TUBA1C: variants seen among roughly 807,000 people sequenced by gnomAD.
TUBA1C encodes tubulin alpha-1C chain.
In TUBA1C, 16 loss-of-function variants were observed where a neutral mutation model predicts 34.9. That is an observed-to-expected ratio of 0.46 (90% CI 0.31 to 0.70). The LOEUF (loss-of-function observed/expected upper bound fraction) is 0.70, where lower values mean the gene tolerates loss of function less well. Ranked by LOEUF, TUBA1C falls within the 30% of genes least tolerant of loss-of-function variation. The pLI is 0.05. For missense variants in TUBA1C, 329 were observed against 587.3 expected (o/e 0.56, Z 4.55); for synonymous variants, 177 against 215.9 (o/e 0.82, Z 1.58).
At chr12:49,244,006 T>TG (rs1433641447) in intron 1 of TUBA1C, among the ~76,000 whole-genome samples, 1 of 151,852 alleles carries the variant, frequency 6.6e-6, no homozygotes, top group Non-Finnish European at 1.5e-5. Context: ...AAAAATTACC[T>TG]GGGTGTGGTG....
intron 1 of TUBA1C, among the ~76,000 whole-genome samples, chr12:49,241,649 T>TCTTC (rs1337980392): frequency 8.3e-5 from 12 of 144,712 alleles, no homozygotes; most frequent in Admixed American, 2.1e-4. Flanking sequence ...TCCCTTCCTT[T>TCTTC]CTTCCTTCCT....
intron 3 of TUBA1C, 116 bp from the exon 4 acceptor site, chr12:49,272,135 GTT>G: frequency 6.7e-7 from 1 of 1,503,600 alleles, no homozygotes; most frequent in South Asian, 1.4e-5. Context: ...GCCCAGAAGA[GTT>G]TTAAAATTGC....
chr12:49,250,947 C>CATGG, intron 1 of TUBA1C, among the ~76,000 whole-genome samples: 1 of 152,232 alleles, frequency 6.6e-6, no homozygotes, highest in Non-Finnish European at 1.5e-5. Flanking sequence ...TGGCTCACAC[C>CATGG]TGTAATCCCA....
chr12:49,245,839 T>A (rs1029893196), intron 1 of TUBA1C, among the ~76,000 whole-genome samples: 2 of 152,196 alleles, frequency 1.3e-5, no homozygotes, highest in Non-Finnish European at 2.9e-5. Context: ...GGGGCAAGCA[T>A]CTTCCTGTCT....
intron 1 of TUBA1C, among the ~76,000 whole-genome samples, chr12:49,266,551 G>A (rs990830247): frequency 6.6e-6 from 1 of 151,958 alleles, no homozygotes. Context: ...CAGAAGTATT[G>A]AAAACAACTA....
At chr12:49,270,911 G>A (rs549719498) in intron 3 of TUBA1C, among the ~76,000 whole-genome samples, 16 of 152,196 alleles carry the variant, frequency 1.1e-4, no homozygotes, top group African/African-American at 2.9e-4. Flanking sequence ...CACGGGAGGC[G>A]GAGCTTGCAG....
chr12:49,259,334 C>A (rs777784942), intron 1 of TUBA1C, among the ~76,000 whole-genome samples: 6 of 151,826 alleles, frequency 4.0e-5, no homozygotes, highest in Admixed American at 1.3e-4. Flanking sequence ...CGGGTTCAAG[C>A]GATTCTTGAG....
chr12:49,273,241 C>T lies in TUBA1C; in HGVS notation c.*14C>T. ...GAAGAGTATTAACCTGTGTGCTGTA[C>T]TTTTACACTCCTTTGTCTTGGAACT... On this transcript the variant is annotated 3_prime_UTR_variant, in exon 4 of 4. Transcript: ENST00000301072. 6.2e-7 allele frequency: 1 copy of T among 1,614,160 alleles called. No individual in the cohort carries two copies. The highest frequency in any genetic ancestry group is 1.1e-5 in the South Asian group (1 of 91,080).
intron 1 of TUBA1C, among the ~76,000 whole-genome samples, chr12:49,266,644 G>A (rs1201668279): frequency 6.6e-6 from 1 of 151,704 alleles, no homozygotes; most frequent in Non-Finnish European, 1.5e-5. Context: ...AGCTCAGGAG[G>A]TCGAGACCAG....
chr12:49,227,949 C>T (rs764371940), exon 1 of TUBA1C: 237 of 1,535,518 alleles, frequency 1.5e-4, no homozygotes, highest in Admixed American at 2.0e-4. Context: ...GCGCCCAGCT[C>T]TAAAATGACA....
rs1943022634 is a variant in TUBA1C at position 49,273,376 on chromosome 12, G to A, written c.*149G>A. 6.9e-7 allele frequency: 1 copy of A among 1,450,660 alleles called. No homozygotes were observed. Among genetic ancestry groups the A allele is most frequent in the Non-Finnish European group, 9.4e-7 (1 of 1,067,860 alleles). 89.9% of individuals were successfully genotyped at this position (1,450,660 alleles called of 1,614,324 possible). On this transcript the variant is annotated 3_prime_UTR_variant, in exon 4 of 4. Transcript: ENST00000301072. ...ATACTTGATCCAGTTAAAGTTGGAT[G>A]TATGAGGCTGGTAGATGAAACCACC...
intron 1 of TUBA1C, among the ~76,000 whole-genome samples, chr12:49,267,539 A>T (rs1942930951): frequency 6.6e-6 from 1 of 152,212 alleles, no homozygotes; most frequent in Non-Finnish European, 1.5e-5. Context: ...GGCACCTGTA[A>T]TCCCAGCTAC....
chr12:49,249,810 G>A (rs1222636443), intron 1 of TUBA1C, among the ~76,000 whole-genome samples: 1 of 151,982 alleles, frequency 6.6e-6, no homozygotes, highest in African/African-American at 2.4e-5. Context: ...AGGCTGCAGT[G>A]AGCTGAGGTC....
Position 49,270,836 on chromosome 12 carries a change from G to A in TUBA1C, c.375+860G>A, listed in dbSNP as rs557322895. Among the ~76,000 whole-genome samples, 75 of 152,196 alleles carry A rather than the reference G, an allele frequency of 4.9e-4. No individual in the cohort carries two copies. In the East Asian group the frequency reaches 9.8e-3, roughly 20 times the overall value. On this transcript the variant is annotated intron_variant, in intron 3 of 3. Coordinates refer to ENST00000301072, the MANE Select transcript of TUBA1C (RefSeq NM_032704.5). ...TACTAAAAATACAAAAAAATTAGCC[G>A]GGCGTGGTGGTGGGCGCCTGTAGTC...
intron 1 of TUBA1C, among the ~76,000 whole-genome samples, chr12:49,229,624 T>C (rs1942474577): frequency 6.6e-6 from 1 of 151,678 alleles, no homozygotes; most frequent in Non-Finnish European, 1.5e-5. Flanking sequence ...AAGAAACCCC[T>C]GTTAACAATT....
chr12:49,266,881 T>C (rs772301966), intron 1 of TUBA1C, among the ~76,000 whole-genome samples: 2 of 152,122 alleles, frequency 1.3e-5, no homozygotes, highest in Non-Finnish European at 2.9e-5. Flanking sequence ...TGTAAATACA[T>C]GTATATGTCG....
intron 1 of TUBA1C, among the ~76,000 whole-genome samples, chr12:49,251,371 A>G (rs911909680): frequency 2.0e-5 from 3 of 152,236 alleles, no homozygotes; most frequent in Non-Finnish European, 4.4e-5. Context: ...TATAAATTCA[A>G]TATTACTCTG....
Position 49,254,497 on chromosome 12 carries a change from A to C in TUBA1C, c.214-14968A>C, listed in dbSNP as rs557054000. 1.4e-3 allele frequency among the ~76,000 whole-genome samples: 218 copies of C among 151,504 alleles called. 2 individuals are homozygous for C. In the Middle Eastern group the frequency reaches 0.024, roughly 17 times the overall value. Reference sequence around the variant, plus strand: ...GCTCCATCTAAACAAAAAAAAAAAAAAAAAAAAAAAACGGGAAATGAATTG... The same window carrying C: ...GCTCCATCTAAACAAAAAAAAAAAACAAAAAAAAAAACGGGAAATGAATTG... On this transcript the variant is annotated intron_variant, in intron 1 of 3. Transcript: ENST00000541364.
chr12:49,246,492 A>C (rs1042237307), intron 1 of TUBA1C, among the ~76,000 whole-genome samples: 2 of 151,474 alleles, frequency 1.3e-5, no homozygotes, highest in Admixed American at 1.3e-4. Context: ...ATCCTGGCTA[A>C]CACGGTGAAA....
Sources: gnomAD v4.1 joint callset for allele counts (sites outside exome capture counted in the v4.1 genomes callset) on GRCh38, gnomAD v4.1.1 for gene constraint, MANE v1.5 for transcripts, NCBI Gene and HGNC (gene_info 2026-07-23, HGNC 2026-07-21) for gene names.